UMAD1: variants seen among roughly 807,000 people sequenced by gnomAD.
UMAD1 encodes UBAP1-MVB12-associated (UMA)-domain containing protein 1.
A neutral mutation model predicts 6.1 loss-of-function variants in UMAD1; 8 were observed. The ratio of observed to expected loss-of-function variants is 1.30; its 90% CI spans 0.76 to 2.35. The LOEUF (loss-of-function observed/expected upper bound fraction) is 2.35. Among genes scored for constraint, UMAD1 ranks in the 30% most tolerant of loss-of-function variants. UMAD1 has a pLI of 0.00. For synonymous variants in UMAD1, 56 were observed against 31.4 expected, an observed-to-expected ratio of 1.78 and a Z score of -2.61; for missense variants, 130 against 78.4, an observed-to-expected ratio of 1.66 and a Z score of -2.49.
At chr7:7,820,240 C>T (rs1028325922) in intron 3 of UMAD1, among the ~76,000 whole-genome samples, 1 of 109,568 alleles carries the variant, frequency 9.1e-6, no homozygotes, top group African/African-American at 3.2e-5. Flanking sequence ...TAGACTAAAG[C>T]ATAGTAATAT....
rs1202522897 is a variant in UMAD1 at position 7,878,962 on chromosome 7, G to A, written c.*1424G>A. 2.0e-5 allele frequency: 3 copies of A among 152,122 alleles called. No homozygotes were observed. Among genetic ancestry groups the A allele is most frequent in the Non-Finnish European group, 4.4e-5 (3 of 68,006 alleles). The allele number at this position is 152,122 out of a possible 1,614,324, so 9.4% of individuals were successfully genotyped here. A position where few individuals can be genotyped will look rare whatever the true frequency, so the allele number is the denominator to read the frequency against. On this transcript the variant is annotated 3_prime_UTR_variant, in exon 4 of 4. Coordinates refer to ENST00000682710, the MANE Select transcript of UMAD1 (RefSeq NM_001302348.2). ...AATATGACTTATTACTGATGCAAAC[G>A]TGAACATTTTGTAGTAGTTTTGTAA...
intron 2 of UMAD1, among the ~76,000 whole-genome samples, chr7:7,785,366 GGAAGCA>G (rs1782440923): frequency 6.6e-6 from 1 of 152,172 alleles, no homozygotes; most frequent in Non-Finnish European, 1.5e-5. Flanking sequence ...ACACCTGAAC[GGAAGCA>G]GATTTGAGGA....
At chr7:7,664,894 C>T (rs1171791615) in intron 1 of UMAD1, among the ~76,000 whole-genome samples, 1 of 152,130 alleles carries the variant, frequency 6.6e-6, no homozygotes, top group African/African-American at 2.4e-5. Flanking sequence ...ATGCATTTCA[C>T]TGTACAAAAG....
At chr7:7,843,436 G>A (rs1176020708) in intron 3 of UMAD1, among the ~76,000 whole-genome samples, 1 of 152,150 alleles carries the variant, frequency 6.6e-6, no homozygotes, top group African/African-American at 2.4e-5. Flanking sequence ...CTGTTCTTCC[G>A]ATTGCTTAGA....
At chr7:7,859,036 GT>G (rs1238332487) in intron 3 of UMAD1, among the ~76,000 whole-genome samples, 3 of 152,154 alleles carry the variant, frequency 2.0e-5, no homozygotes, top group Non-Finnish European at 4.4e-5. Context: ...AATCTTGAAA[GT>G]GTTCCTAAGT....
rs1370395349 is a variant in UMAD1, at chr7:7,830,490, CTCTT to C, written c.156+28753_156+28756del. Among the ~76,000 whole-genome samples the C allele has an allele frequency of 1.3e-5, 2 of 151,960 alleles. No homozygotes were observed. Among genetic ancestry groups the C allele is most frequent in the Non-Finnish European group, 2.9e-5 (2 of 67,986 alleles). On this transcript the variant is annotated intron_variant, in intron 3 of 3. Transcript: ENST00000682710. The surrounding 1 kb of genome is among the most constrained non-coding windows in gnomAD (Gnocchi z 5.3). The stretch of plus-strand genomic sequence containing the variant: ...TTTGGTTTCTCTCTTTTGTATCTTT[CTCTT>C]TCTTTTCCCTTTTTCGTTTCTTTTC...
At chr7:7,722,860 AC>A (rs1261682402) in intron 2 of UMAD1, among the ~76,000 whole-genome samples, 1 of 152,108 alleles carries the variant, frequency 6.6e-6, no homozygotes, top group Non-Finnish European at 1.5e-5. Flanking sequence ...GTGTGGGAGG[AC>A]CCTGATGAAG....
intron 2 of UMAD1, 70 bp downstream of exon 2, chr7:7,673,523 A>G (rs1260022430): frequency 1.5e-6 from 1 of 661,554 alleles, no homozygotes; most frequent in South Asian, 1.7e-5. Context: ...TGAAAATTAT[A>G]TGATTGATTT....
chr7:7,842,381 C>T (rs933386539), intron 3 of UMAD1, among the ~76,000 whole-genome samples: 6 of 151,220 alleles, frequency 4.0e-5, no homozygotes, highest in Admixed American at 4.0e-4. Context: ...AAACGTGGAC[C>T]TTATTTTGAT....
At chr7:7,822,733 C>T (rs1382418357) in intron 3 of UMAD1, among the ~76,000 whole-genome samples, 2 of 152,062 alleles carry the variant, frequency 1.3e-5, no homozygotes, top group African/African-American at 4.8e-5. Flanking sequence ...GTTCGGCTTC[C>T]TACCTTGCTT....
intron 2 of UMAD1, among the ~76,000 whole-genome samples, chr7:7,793,627 T>C (rs926987514): frequency 9.2e-5 from 14 of 152,198 alleles, no homozygotes; most frequent in African/African-American, 3.4e-4. Flanking sequence ...ATCAGAATCG[T>C]GTAGCAGAAT....
At chr7:7,869,339 C>T (rs6954729) in intron 3 of UMAD1, among the ~76,000 whole-genome samples, 103,134 of 152,100 alleles carry the variant, frequency 0.68, 35,110 homozygotes, top group African/African-American at 0.72. Flanking sequence ...CAAAGAAGCA[C>T]GTCTTTTATT....
chr7:7,790,538 C>A (rs1205974067), intron 2 of UMAD1, among the ~76,000 whole-genome samples: 1 of 152,208 alleles, frequency 6.6e-6, no homozygotes, highest in African/African-American at 2.4e-5. Flanking sequence ...AATGGTGATT[C>A]ACTATTGCTG....
At chr7:7,668,204 TGCCTG>T (rs1478483593) in intron 1 of UMAD1, among the ~76,000 whole-genome samples, 1 of 152,266 alleles carries the variant, frequency 6.6e-6, no homozygotes, top group East Asian at 1.9e-4. Context: ...TAAGCCACCA[TGCCTG>T]GTCCTACTTT....
At chr7:7,699,007 A>T (rs1780387203) in intron 2 of UMAD1, among the ~76,000 whole-genome samples, 1 of 147,898 alleles carries the variant, frequency 6.8e-6, no homozygotes, top group Non-Finnish European at 1.5e-5. Flanking sequence ...GGAGTGCACC[A>T]TCATGCCCAG....
At chr7:7,677,666 T>G (rs1481577938) in intron 2 of UMAD1, among the ~76,000 whole-genome samples, 1 of 1,188 alleles carries the variant, frequency 8.4e-4, no homozygotes, top group Non-Finnish European at 3.5e-3. Context: ...GTTTTTTTGT[T>G]TTTTTTTTTT....
At chr7:7,713,402 T>G (rs1013973971) in intron 2 of UMAD1, among the ~76,000 whole-genome samples, 23 of 151,864 alleles carry the variant, frequency 1.5e-4, no homozygotes, top group Admixed American at 3.9e-4. Flanking sequence ...GACAGAGTTT[T>G]TTTTTTTTTT....
At chr7:7,870,335 A>C (rs1016972914) in intron 3 of UMAD1, among the ~76,000 whole-genome samples, 1 of 152,248 alleles carries the variant, frequency 6.6e-6, no homozygotes, top group African/African-American at 2.4e-5. Context: ...AACTATACTC[A>C]GAAACATTAT....
intron 2 of UMAD1, among the ~76,000 whole-genome samples, chr7:7,748,658 C>G (rs1001017131): frequency 1.3e-5 from 2 of 152,024 alleles, no homozygotes; most frequent in African/African-American, 4.8e-5. Flanking sequence ...TTACCAAATT[C>G]CCATCTATTA....
Sources: gnomAD v4.1 joint callset for allele counts (sites outside exome capture counted in the v4.1 genomes callset) on GRCh38, gnomAD v4.1.1 for gene constraint, Gnocchi (gnomAD v3.1) non-coding constraint, MANE v1.5 for transcripts, NCBI Gene and HGNC (gene_info 2026-07-23, HGNC 2026-07-21) for gene names.